Variants in USP34 observed in about 807,000 individuals in gnomAD.
USP34 encodes ubiquitin carboxyl-terminal hydrolase 34.
In USP34, 70 loss-of-function variants were observed where a neutral mutation model predicts 460.3. The ratio of observed to expected loss-of-function variants is 0.15; its 90% confidence interval spans 0.13 to 0.19. The LOEUF (loss-of-function observed/expected upper bound fraction) is 0.19, where lower values mean the gene tolerates loss of function less well. Among genes scored for constraint, USP34 ranks in the 10% least tolerant of loss-of-function variants. The pLI is 1.00. For synonymous variants in USP34, 1,647 were observed against 1,405.3 expected (o/e 1.17, Z -3.85); for missense variants, 3,985 against 4,236.2 (o/e 0.94, Z 1.65).
chr2:61,381,074 G>C (rs976916270), intron 6 of USP34, among the ~76,000 whole-genome samples: 1 of 152,008 alleles, frequency 6.6e-6, no homozygotes, highest in African/African-American at 2.4e-5. Flanking sequence ...CACTGCGGAA[G>C]GCTGCAGGAT....
chr2:61,361,609 T>C (rs777989187), intron 10 of USP34, among the ~76,000 whole-genome samples: 1 of 137,806 alleles, frequency 7.3e-6, no homozygotes, highest in African/African-American at 2.6e-5. Context: ...GATATCCACA[T>C]ACAGAATGAA....
intron 69 of USP34, among the ~76,000 whole-genome samples, chr2:61,209,411 TAC>T (rs1687209966): frequency 6.6e-6 from 1 of 152,182 alleles, no homozygotes. Flanking sequence ...GTTTATAAAA[TAC>T]AGTCATGTGC....
At chr2:61,363,226 G>T (rs1450567930) in intron 10 of USP34, among the ~76,000 whole-genome samples, 1 of 152,196 alleles carries the variant, frequency 6.6e-6, no homozygotes, top group Non-Finnish European at 1.5e-5. Flanking sequence ...AGGCAAGGAT[G>T]TGGAGAAACC....
At chr2:61,387,019 C>G (rs1211366711) in intron 5 of USP34, among the ~76,000 whole-genome samples, 1 of 152,096 alleles carries the variant, frequency 6.6e-6, no homozygotes, top group African/African-American at 2.4e-5. Context: ...AGACGTCTAT[C>G]TAAAACACAC....
At chr2:61,263,710 C>T (rs1688965079) in intron 43 of USP34, among the ~76,000 whole-genome samples, 1 of 151,110 alleles carries the variant, frequency 6.6e-6, no homozygotes. Context: ...TCTTGATCTC[C>T]TAACCTCGTG....
chr2:61,350,348 A>G lies in USP34; in HGVS notation c.1419T>C (p.Asn473=). 6.2e-7 allele frequency: 1 copy of G among 1,613,830 alleles called. No homozygotes were observed. Among genetic ancestry groups the G allele is most frequent in the Admixed American group, 1.7e-5 (1 of 60,002 alleles). ...LASMLIKALW[N]NALAAKAQLS... The stretch of plus-strand genomic sequence containing the variant: ...ACTGAGCCTTAGCTGCTAGTGCGTT[A>G]TTCCACAGTGCTTTAATTAACATGG... The change falls in exon 12 of 80, where the codon AAT becomes AAC. Residue 473 remains asparagine, a synonymous_variant. Coordinates refer to ENST00000398571, the MANE Select transcript of USP34 (RefSeq NM_014709.4).
chr2:61,460,629 G>T (rs1466812307), intron 1 of USP34, among the ~76,000 whole-genome samples: 1 of 131,076 alleles, frequency 7.6e-6, no homozygotes, highest in Non-Finnish European at 1.7e-5. Flanking sequence ...CTTGGATAAG[G>T]GGGGAATACT....
chr2:61,324,697 G>C (rs553913210), intron 21 of USP34, among the ~76,000 whole-genome samples: 2 of 152,172 alleles, frequency 1.3e-5, no homozygotes, highest in East Asian at 3.9e-4. Context: ...TTGAGCCGGG[G>C]AGGTCAACAG....
At position 61,311,584 on chromosome 2, in the gene USP34, T is replaced by C. The variant is rs1216383160; in HGVS notation, c.3773A>G (p.Gln1258Arg). The change falls in exon 27 of 80, where the codon CAG becomes CGG. Residue 1258 changes from glutamine to arginine, a missense_variant. Around this residue, in one of 14 missense-constraint regions of USP34, gnomAD observed 1,114 missense variants for 1,122.5 expected, o/e 0.99. Coordinates refer to ENST00000398571, the MANE Select transcript of USP34 (RefSeq NM_014709.4). The part of the protein sequence containing the change: ...LQKEQINQQA[Q>R]LQEFGQSNRK... Reference sequence around the variant, plus strand: ...GTTGCTTTGACCAAACTCCTGAAGCTGAGCTTGTTGATTTATTTGTTCTTT... The same window carrying C: ...GTTGCTTTGACCAAACTCCTGAAGCCGAGCTTGTTGATTTATTTGTTCTTT... The C allele has an allele frequency of 3.1e-6, 5 of 1,612,960 alleles. No individual in the cohort carries two copies. The highest frequency in any genetic ancestry group is 3.4e-6 in the Non-Finnish European group (4 of 1,179,544).
At position 61,427,184 on chromosome 2, in the gene USP34, C is replaced by T. The variant is rs543377584; in HGVS notation, c.44-6351G>A. On this transcript the variant is annotated intron_variant, in intron 1 of 79. Transcript: ENST00000398571. Reference sequence around the variant, plus strand: ...CTGGGACTACAGGTGCCCGCCACCACGCCCGGCTAATTTTTTTGTATTTTT... The same window carrying T: ...CTGGGACTACAGGTGCCCGCCACCATGCCCGGCTAATTTTTTTGTATTTTT... Among the ~76,000 whole-genome samples, 17 of 152,276 alleles carry T rather than the reference C, an allele frequency of 1.1e-4. 1 individual carries two copies. The highest frequency in any genetic ancestry group is 3.1e-4 in the African/African-American group (13 of 41,558).
intron 75 of USP34, chr2:61,193,940 G>T (rs1217710457): frequency 8.5e-6 from 2 of 234,162 alleles, no homozygotes; most frequent in Non-Finnish European, 1.4e-5. Flanking sequence ...CTGTCTTTCA[G>T]TAAAACTTTA....
chr2:61,361,205 G>A (rs1692265381), intron 10 of USP34, among the ~76,000 whole-genome samples: 1 of 152,210 alleles, frequency 6.6e-6, no homozygotes, highest in African/African-American at 2.4e-5. Flanking sequence ...GAGGCCAGGA[G>A]TTTGAGATCT....
At chr2:61,425,539 C>T (rs934726209) in intron 1 of USP34, among the ~76,000 whole-genome samples, 1 of 152,094 alleles carries the variant, frequency 6.6e-6, no homozygotes, top group Non-Finnish European at 1.5e-5. Context: ...GTGACTCCCA[C>T]CCAGGGAGGG....
intron 51 of USP34, among the ~76,000 whole-genome samples, chr2:61,242,700 G>T (rs972665188): frequency 2.0e-5 from 3 of 152,146 alleles, no homozygotes; most frequent in Non-Finnish European, 4.4e-5. Flanking sequence ...TAATGAGTAA[G>T]GAGACGAGGA....
rs1467456444 is a variant in USP34, at chr2:61,236,044, A to G, written c.6948T>C (p.Phe2316=). The G allele has an allele frequency of 1.9e-6, 3 of 1,606,994 alleles. No individual in the cohort carries two copies. The highest frequency in any genetic ancestry group is 1.3e-5 in the African/African-American group (1 of 74,248). The change falls in exon 56 of 80, where the codon TTT becomes TTC. Residue 2316 remains phenylalanine (F), a synonymous_variant. Coordinates refer to ENST00000398571, the MANE Select transcript of USP34 (RefSeq NM_014709.4). ...CACATACCTTTTCTTTAGAATGAAT[A>G]AATGTCTCTAGGACAAAGGAAGTGC... ...KLSTSFVLET[F]IHSKEKPTML...
Position 61,317,764 on chromosome 2 carries a change from G to A in USP34, c.3172C>T (p.Pro1058Ser), listed in dbSNP as rs1170173474. 1.2e-6 allele frequency: 2 copies of A among 1,613,144 alleles called. No individual in the cohort carries two copies. Residue 1058 changes from proline (P) to serine (S), a missense_variant, in exon 23 of 80, where the codon CCC (proline) becomes TCC (serine). Pro to Ser is a moderately conservative substitution (Grantham distance 74). This residue lies in a region of USP34 where 1,114 missense variants were observed against 1,122.5 expected (regional missense o/e 0.99). Coordinates refer to ENST00000398571, the MANE Select transcript of USP34 (RefSeq NM_014709.4). ...CTAATTGTTTCAGGTTTTAGCTGGG[G>A]CATCTTTGGAAGGGTAGGGGGAAAC... Reference protein sequence around the residue: ...TYKHLFLEKMPQLKPETISMT... With the variant: ...TYKHLFLEKMSQLKPETISMT...
intron 27 of USP34, among the ~76,000 whole-genome samples, chr2:61,309,522 C>A (rs6736612): frequency 0.16 from 23,925 of 152,170 alleles, 2,287 homozygotes; most frequent in South Asian, 0.37. Flanking sequence ...CCTGCTGCCA[C>A]TGTACTATCT....
intron 3 of USP34, among the ~76,000 whole-genome samples, chr2:61,396,049 T>A: frequency 6.8e-6 from 1 of 147,916 alleles, no homozygotes. Flanking sequence ...AGAGCAAAAC[T>A]GTCTCAAAAA....
chr2:61,192,355 A>C (rs1218809870), intron 76 of USP34, among the ~76,000 whole-genome samples: 1 of 152,256 alleles, frequency 6.6e-6, no homozygotes, highest in Admixed American at 6.5e-5. Context: ...AGCATTATTT[A>C]TGCAGCCACT....
Sources: allele counts gnomAD v4.1 joint callset (sites outside exome capture counted in the v4.1 genomes callset), GRCh38; gene constraint gnomAD v4.1.1; regional missense constraint gnomAD v4.1.1; transcripts MANE v1.5; gene names NCBI Gene and HGNC (gene_info 2026-07-23, HGNC 2026-07-21).